Variants in CACNA1C observed in about 807,000 individuals in gnomAD.
The protein encoded by CACNA1C is calcium voltage-gated channel subunit alpha1 C.
CACNA1C carries 30 observed loss-of-function variants against 229.0 expected under a neutral mutation model. That is an observed-to-expected ratio of 0.13 (90% CI 0.10 to 0.18). The LOEUF is 0.18. CACNA1C is among the 10% of genes least tolerant of loss of function. The pLI, the probability that CACNA1C is intolerant of heterozygous loss-of-function variation, is 1.00. For missense variants in CACNA1C, 1,658 were observed against 2,845.0 expected, an observed-to-expected ratio of 0.58 and a Z score of 9.49; for synonymous variants, 1,114 against 1,132.5, an observed-to-expected ratio of 0.98 and a Z score of 0.33.
intron 3 of CACNA1C, among the ~76,000 whole-genome samples, chr12:2,290,922 T>C (rs1307198820): frequency 6.6e-6 from 1 of 152,214 alleles, no homozygotes; most frequent in Non-Finnish European, 1.5e-5. Flanking sequence ...CTTCTGTGGC[T>C]TCCTCAAATG....
intron 12 of CACNA1C, among the ~76,000 whole-genome samples, chr12:2,567,157 C>T (rs946456787): frequency 6.6e-6 from 1 of 152,216 alleles, no homozygotes; most frequent in African/African-American, 2.4e-5. Context: ...TTTCCAGAGT[C>T]CTGGGAGGCA....
chr12:2,070,448 T>C (rs1204404893), intron 1 of CACNA1C, among the ~76,000 whole-genome samples: 2 of 152,252 alleles, frequency 1.3e-5, no homozygotes, highest in Admixed American at 1.3e-4. Flanking sequence ...TTTTTAGTTC[T>C]TTCAGCAATG....
intron 24 of CACNA1C, among the ~76,000 whole-genome samples, chr12:2,606,206 C>T (rs1442264270): frequency 6.6e-6 from 1 of 152,194 alleles, no homozygotes; most frequent in Non-Finnish European, 1.5e-5. Flanking sequence ...CCTGCAGCAC[C>T]CCTCGTGTCC....
chr12:2,087,177 C>G (rs573915313), intron 1 of CACNA1C, among the ~76,000 whole-genome samples: 2 of 152,274 alleles, frequency 1.3e-5, no homozygotes, highest in South Asian at 2.1e-4. Flanking sequence ...CCTCATCGCT[C>G]CAGTTTCCCA....
chr12:2,326,880 G>T (rs1567069793), intron 3 of CACNA1C, among the ~76,000 whole-genome samples: 1 of 152,246 alleles, frequency 6.6e-6, no homozygotes, highest in East Asian at 1.9e-4. Context: ...ATCAACAACT[G>T]CTTGTGAAGC....
At chr12:1,991,542 G>T in intron 1 of CACNA1C, 8 of 236,802 alleles carry the variant, frequency 3.4e-5, no homozygotes, top group Non-Finnish European at 4.2e-5. Context: ...AATAATTGAG[G>T]TTTTTTCCTT....
intron 1 of CACNA1C, among the ~76,000 whole-genome samples, chr12:1,986,650 T>C (rs2037873268): frequency 8.2e-6 from 1 of 122,252 alleles, no homozygotes; most frequent in African/African-American, 3.5e-5. Context: ...AAAGAGGAGT[T>C]TCTCTCAGGT....
rs190029490 is a variant in CACNA1C, at chr12:2,037,082, T to C, written c.139+65881T>C. Among the ~76,000 whole-genome samples the C allele has an allele frequency of 1.7e-3, 260 of 152,318 alleles. 1 individual carries two copies. Among genetic ancestry groups the C allele is most frequent in the Admixed American group, 2.9e-3 (45 of 15,304 alleles). ...CTCCAGGTGGCATGAGTTACCTTGC[T>C]TTAGGGGGCAGTTTTTAGGCAGGAT... On this transcript the variant is annotated intron_variant, in intron 1 of 46. Transcript: ENST00000682462.
intron 3 of CACNA1C, among the ~76,000 whole-genome samples, chr12:2,256,136 G>A (rs924548193): frequency 7.0e-6 from 1 of 143,284 alleles, no homozygotes; most frequent in Non-Finnish European, 1.5e-5. Context: ...TGGGGTAGGA[G>A]GAGGAATATC....
Position 2,677,574 on chromosome 12 carries a change from G to A in CACNA1C, c.4957-159G>A. The A allele has an allele frequency of 1.3e-6, 1 of 795,712 alleles. No individual in the cohort carries two copies. 49.3% of individuals were successfully genotyped at this position (795,712 alleles called of 1,614,324 possible). On this transcript the variant is annotated intron_variant, in intron 40 of 46. Coordinates refer to ENST00000399655, the MANE Select transcript of CACNA1C (RefSeq NM_000719.7). This position sits in a 1 kb window ranked among gnomAD's most constrained non-coding sequence, Gnocchi z 7.4. ...GATTGTTCCATCAGAGGGCAGCCCA[G>A]CCCCCAGTTCACACACACACAAACC...
intron 1 of CACNA1C, among the ~76,000 whole-genome samples, chr12:2,009,796 G>A (rs2044069046): frequency 6.6e-6 from 1 of 152,150 alleles, no homozygotes; most frequent in Non-Finnish European, 1.5e-5. Context: ...ACAGTAGGAA[G>A]GGCACCCCCT....
At chr12:2,081,372 C>T (rs1595340772) in intron 1 of CACNA1C, among the ~76,000 whole-genome samples, 2 of 152,108 alleles carry the variant, frequency 1.3e-5, no homozygotes, top group East Asian at 3.9e-4. Context: ...AGATCTAGAC[C>T]ATCCTGGCTA....
At chr12:2,389,684 C>T (rs1206058234) in intron 3 of CACNA1C, among the ~76,000 whole-genome samples, 2 of 152,200 alleles carry the variant, frequency 1.3e-5, no homozygotes, top group Non-Finnish European at 2.9e-5. Context: ...ATTGTCTACA[C>T]TTGGGGCCTC....
intron 38 of CACNA1C, 124 bp from the exon 39 acceptor site, chr12:2,674,413 CAAGA>C (rs2153752451): frequency 1.5e-6 from 2 of 1,337,350 alleles, no homozygotes; most frequent in Non-Finnish European, 2.0e-6. Context: ...GTGAAGCAAG[CAAGA>C]AAGAAACTGA....
At chr12:2,094,912 A>G (rs756642050) in intron 1 of CACNA1C, among the ~76,000 whole-genome samples, 6 of 152,188 alleles carry the variant, frequency 3.9e-5, no homozygotes, top group Non-Finnish European at 8.8e-5. Flanking sequence ...ACCCCCTTTA[A>G]CAATAACAAA....
rs2087568243 is a variant in CACNA1C at position 2,275,702 on chromosome 12, C to T, written c.477+155272C>T. ...TGGATTTGACCTTTTCGCTTGTGGT[C>T]GGGCCAGGTTGAGCAGGAAACCATC... On this transcript the variant is annotated intron_variant, in intron 3 of 46. Transcript: ENST00000399655. The surrounding 1 kb of genome is among the most constrained non-coding windows in gnomAD (Gnocchi z 4.1). Among the ~76,000 whole-genome samples, 1 of 150,664 alleles carries T rather than the reference C, an allele frequency of 6.6e-6. No individual in the cohort carries two copies. Among genetic ancestry groups the T allele is most frequent in the Non-Finnish European group, 1.5e-5 (1 of 68,018 alleles).
At position 2,506,584 on chromosome 12, in the gene CACNA1C, T is replaced by A. The variant is rs77566100; in HGVS notation, c.1217+1639T>A. Reference sequence around the variant, plus strand: ...ATGATTATTATTTACTTGGTGCCTGTTATAACTAGAAGTATAGAATCATCA... The same window carrying A: ...ATGATTATTATTTACTTGGTGCCTGATATAACTAGAAGTATAGAATCATCA... On this transcript the variant is annotated intron_variant, in intron 8 of 46. Transcript: ENST00000399655. Among the ~76,000 whole-genome samples, 35 of 152,340 alleles carry A rather than the reference T, an allele frequency of 2.3e-4. 1 individual carries two copies. The East Asian group carries it at 6.4e-3, about 28-fold the overall frequency.
rs3085990 is a variant in CACNA1C at position 2,067,481 on chromosome 12, T to TGTGTGTGTGCGC, written c.49+13871_49+13872insTGTGTGTGCGCG. On this transcript the variant is annotated intron_variant, in intron 1 of 46. Transcript: ENST00000399655. This position sits in a 1 kb window ranked among gnomAD's most constrained non-coding sequence, Gnocchi z 5.3. Reference sequence around the variant, plus strand: ...GTGTGTGTGTGTGTGTGTGTGTGTGTGCGCGCGTGTGCGTGCCTGTATGTA... The same window carrying TGTGTGTGTGCGC: ...GTGTGTGTGTGTGTGTGTGTGTGTGTGTGTGTGTGCGCGCGCGCGTGTGCGTGCCTGTATGTA... 0.011 allele frequency among the ~76,000 whole-genome samples: 1,552 copies of TGTGTGTGTGCGC among 140,834 alleles called. 15 individuals carry two copies. Among genetic ancestry groups the TGTGTGTGTGCGC allele is most frequent in the African/African-American group, 0.023 (862 of 36,716 alleles). The allele number at this position is 140,834 out of a possible 152,430, so 92.4% of individuals were successfully genotyped here.
chr12:2,429,818 T>G (rs575601923), intron 3 of CACNA1C, among the ~76,000 whole-genome samples: 46 of 152,152 alleles, frequency 3.0e-4, no homozygotes, highest in African/African-American at 1.1e-3. Context: ...CCATCTTAGG[T>G]GATGAGGAAG....
Sources: gnomAD v4.1 joint callset for allele counts (sites outside exome capture counted in the v4.1 genomes callset) on GRCh38, gnomAD v4.1.1 for gene constraint, Gnocchi (gnomAD v3.1) non-coding constraint, MANE v1.5 for transcripts, NCBI Gene and HGNC (gene_info 2026-07-23, HGNC 2026-07-21) for gene names.